The following PALM2AKAP2 variants were observed in gnomAD, a reference collection of about 807,000 sequenced individuals.
PALM2AKAP2 encodes PALM2-AKAP2 fusion protein.
In PALM2AKAP2, 37 loss-of-function variants were observed where a neutral mutation model predicts 71.5. That is an observed-to-expected ratio of 0.52 (90% CI 0.40 to 0.68). PALM2AKAP2 has a LOEUF of 0.68. Among genes scored for constraint, PALM2AKAP2 ranks in the 30% least tolerant of loss-of-function variants. The probability of loss-of-function intolerance (pLI) is 0.00; values close to 1 mark genes in which losing one functional copy is unlikely to be tolerated. For synonymous variants in PALM2AKAP2, 468 were observed against 478.8 expected, an observed-to-expected ratio of 0.98 and a Z score of 0.29; for missense variants, 1,224 against 1,191.8, an observed-to-expected ratio of 1.03 and a Z score of -0.40.
chr9:110,002,699 C>G (rs1396826761), intron 6 of PALM2AKAP2, among the ~76,000 whole-genome samples: 6 of 152,152 alleles, frequency 3.9e-5, no homozygotes, highest in Non-Finnish European at 8.8e-5. Context: ...ATTATTGCCT[C>G]AATTTCAGAG....
chr9:110,063,502 C>T (rs931362201), intron 1 of PALM2AKAP2, among the ~76,000 whole-genome samples: 3 of 151,328 alleles, frequency 2.0e-5, no homozygotes, highest in East Asian at 1.9e-4. Context: ...TGCAATGGCA[C>T]GATCTCAGCT....
chr9:110,014,690 T>C (rs1432174977), intron 6 of PALM2AKAP2, among the ~76,000 whole-genome samples: 1 of 148,838 alleles, frequency 6.7e-6, no homozygotes, highest in Non-Finnish European at 1.5e-5. Flanking sequence ...AGAGAATCAC[T>C]TGAACCTGGG....
At chr9:110,091,406 GT>G (rs1252393034) in intron 1 of PALM2AKAP2, among the ~76,000 whole-genome samples, 616 of 20,688 alleles carry the variant, frequency 0.03, 3 homozygotes, top group Non-Finnish European at 0.035. Flanking sequence ...TGGTTGGGGT[GT>G]GTGTGTGTGT....
intron 6 of PALM2AKAP2, among the ~76,000 whole-genome samples, chr9:109,981,644 T>A (rs1246506060): frequency 6.6e-6 from 1 of 152,234 alleles, no homozygotes; most frequent in Non-Finnish European, 1.5e-5. Context: ...TTTGTTTTGT[T>A]GTTGTTGTTT....
At chr9:109,866,344 C>T (rs1829447803) in intron 1 of PALM2AKAP2, among the ~76,000 whole-genome samples, 1 of 152,142 alleles carries the variant, frequency 6.6e-6, no homozygotes, top group African/African-American at 2.4e-5. Flanking sequence ...ATAAGTTTCT[C>T]CCTGCATATG....
intron 1 of PALM2AKAP2, among the ~76,000 whole-genome samples, chr9:110,108,011 G>A (rs1459837731): frequency 6.6e-6 from 1 of 151,228 alleles, no homozygotes; most frequent in Non-Finnish European, 1.5e-5. Flanking sequence ...AGTGGCAGAT[G>A]AGTGTTAATT....
intron 1 of PALM2AKAP2, among the ~76,000 whole-genome samples, chr9:109,645,929 A>C (rs779079076): frequency 6.6e-6 from 1 of 152,216 alleles, no homozygotes; most frequent in Non-Finnish European, 1.5e-5. Flanking sequence ...CAAAAGGTCT[A>C]TCTTGGAAAA....
At position 110,135,164 on chromosome 9, in the gene PALM2AKAP2, A is replaced by AAAAAAAAAAAATATAT; in HGVS notation, c.157-962_157-961insAAAAAAAAAATATATA. Among the ~76,000 whole-genome samples the AAAAAAAAAAAATATAT allele has an allele frequency of 3.1e-3, 161 of 51,650 alleles. 18 individuals are homozygous for AAAAAAAAAAAATATAT. The highest frequency in any genetic ancestry group is 3.9e-3 in the Non-Finnish European group (104 of 26,590). The allele number at this position is 51,650 out of a possible 152,430, so 33.9% of individuals were successfully genotyped here. A position where few individuals can be genotyped will look rare whatever the true frequency, so the allele number is the denominator to read the frequency against. On this transcript the variant is annotated intron_variant, in intron 1 of 3. Coordinates refer to ENST00000374525, the Ensembl canonical transcript of PALM2AKAP2. The stretch of plus-strand genomic sequence containing the variant: ...AACTCTGTCTCTACAAAAAAAAAAA[A>AAAAAAAAAAAATATAT]ATATATAAATATATATATATATATA...
intron 5 of PALM2AKAP2, among the ~76,000 whole-genome samples, chr9:109,928,764 A>G (rs970804769): frequency 5.3e-5 from 8 of 150,932 alleles, no homozygotes; most frequent in African/African-American, 1.7e-4. Context: ...GTCCGCCTCC[A>G]GGGTTCAAGC....
chr9:109,815,257 C>T (rs1485522738), intron 1 of PALM2AKAP2, among the ~76,000 whole-genome samples: 1 of 152,060 alleles, frequency 6.6e-6, no homozygotes, highest in Non-Finnish European at 1.5e-5. Context: ...GAAAGAGGGA[C>T]ATATTTTGGG....
intron 6 of PALM2AKAP2, among the ~76,000 whole-genome samples, chr9:109,939,273 A>T (rs995855316): frequency 6.6e-6 from 1 of 152,166 alleles, no homozygotes; most frequent in African/African-American, 2.4e-5. Context: ...AGAACTTTTC[A>T]TCATCATCTC....
intron 1 of PALM2AKAP2, among the ~76,000 whole-genome samples, chr9:109,708,618 G>C (rs1337551832): frequency 6.6e-6 from 1 of 152,126 alleles, no homozygotes; most frequent in South Asian, 2.1e-4. Flanking sequence ...AGGAACTTGC[G>C]AGGCTGTACA....
chr9:109,904,204 T>C (rs962060265), intron 3 of PALM2AKAP2, among the ~76,000 whole-genome samples: 2 of 152,248 alleles, frequency 1.3e-5, no homozygotes, highest in Admixed American at 1.3e-4. Flanking sequence ...TTGATGTAGG[T>C]ATTCCATATG....
intron 1 of PALM2AKAP2, among the ~76,000 whole-genome samples, chr9:109,773,621 G>GT (rs1189625701): frequency 6.6e-6 from 1 of 152,192 alleles, no homozygotes; most frequent in Non-Finnish European, 1.5e-5. Context: ...CCTGTTCCCA[G>GT]TTTACAGATG....
chr9:110,127,519 T>C (rs1351478733), intron 1 of PALM2AKAP2: 2 of 152,268 alleles, frequency 1.3e-5, no homozygotes, highest in African/African-American at 4.8e-5. Flanking sequence ...AGGACTGGAA[T>C]GTGGCCCAGG....
At chr9:109,834,200 G>A (rs369184690) in intron 1 of PALM2AKAP2, among the ~76,000 whole-genome samples, 22 of 152,232 alleles carry the variant, frequency 1.4e-4, no homozygotes, top group Middle Eastern at 3.4e-3. Context: ...GTGACAGAGC[G>A]AGACTCCATT....
At chr9:110,084,992 G>A (rs71501609) in intron 1 of PALM2AKAP2, among the ~76,000 whole-genome samples, 2,860 of 151,972 alleles carry the variant, frequency 0.019, 43 homozygotes, top group Middle Eastern at 0.031. Flanking sequence ...TGCCTGCCTC[G>A]GCCTCTCAAA....
In PALM2AKAP2 at chr9:110,066,716, T is replaced by G. The variant is rs1209212690; in HGVS notation, c.156+17861T>G. 2.7e-5 allele frequency among the ~76,000 whole-genome samples: 4 copies of G among 148,350 alleles called. No individual in the cohort carries two copies. The East Asian group carries it at 7.8e-4, about 29-fold the overall frequency. ...ATTGTCTCTTAAAAAAAAAAAAAAG[T>G]AGGTAAAGATTGAAACAGGCTGGCA... On this transcript the variant is annotated intron_variant, in intron 1 of 3. Transcript: ENST00000374525.
At chr9:109,918,703 A>G (rs950058919) in intron 3 of PALM2AKAP2, among the ~76,000 whole-genome samples, 14 of 152,222 alleles carry the variant, frequency 9.2e-5, no homozygotes, top group Admixed American at 7.9e-4. Context: ...GCTTTGCCCC[A>G]GGACTCAGGT....
Sources: allele counts gnomAD v4.1 joint callset (sites outside exome capture counted in the v4.1 genomes callset), GRCh38; gene constraint gnomAD v4.1.1; transcripts MANE v1.5; gene names NCBI Gene and HGNC (gene_info 2026-07-23, HGNC 2026-07-21).